The following TUBA1C variants were observed in gnomAD, a reference collection of about 807,000 sequenced individuals.
TUBA1C encodes the protein tubulin alpha 1c, also known as tubulin alpha-1C chain.
TUBA1C carries 16 observed loss-of-function variants against 34.9 expected under a neutral mutation model. The ratio of observed to expected loss-of-function variants is 0.46; its 90% CI spans 0.31 to 0.70. The LOEUF (loss-of-function observed/expected upper bound fraction) is 0.70, where lower values mean the gene tolerates loss of function less well. TUBA1C is among the 30% of genes least tolerant of loss of function. The pLI is 0.05. For synonymous variants in TUBA1C, 177 were observed against 215.9 expected, an observed-to-expected ratio of 0.82 and a Z score of 1.58; for missense variants, 329 against 587.3, an observed-to-expected ratio of 0.56 and a Z score of 4.55.
chr12:49,254,666 G>A (rs1301982575), intron 1 of TUBA1C, among the ~76,000 whole-genome samples: 6 of 152,182 alleles, frequency 3.9e-5, no homozygotes, highest in South Asian at 4.2e-4. Flanking sequence ...CTGGGAACCC[G>A]GTAGTTTAGG....
chr12:49,235,043 CCTG>C (rs1172318511), intron 1 of TUBA1C, among the ~76,000 whole-genome samples: 1 of 151,518 alleles, frequency 6.6e-6, no homozygotes, highest in Non-Finnish European at 1.5e-5. Context: ...GTCTCGAATT[CCTG>C]TCCTCGTGAT....
chr12:49,265,970 A>C (rs1378255449), intron 1 of TUBA1C, among the ~76,000 whole-genome samples: 4 of 141,292 alleles, frequency 2.8e-5, no homozygotes, highest in Admixed American at 7.0e-5. Context: ...AAAAAAAAAA[A>C]AACAAAAAAA....
intron 1 of TUBA1C, among the ~76,000 whole-genome samples, chr12:49,260,022 C>A (rs368350511): frequency 2.0e-5 from 3 of 152,082 alleles, no homozygotes; most frequent in African/African-American, 7.2e-5. Flanking sequence ...TGCCTGAGTG[C>A]TTTTTCAGTA....
intron 1 of TUBA1C, among the ~76,000 whole-genome samples, chr12:49,245,044 C>A (rs1018878152): frequency 2.6e-5 from 4 of 152,184 alleles, no homozygotes; most frequent in Non-Finnish European, 5.9e-5. Flanking sequence ...CCAGGCCTGT[C>A]TTACTCAGAG....
chr12:49,238,076 T>C (rs139440157), intron 1 of TUBA1C, among the ~76,000 whole-genome samples: 14 of 149,840 alleles, frequency 9.3e-5, no homozygotes, highest in African/African-American at 3.2e-4. Flanking sequence ...TCCACTGCAC[T>C]CCAGCCTGGG....
intron 1 of TUBA1C, chr12:49,256,621 T>C (rs1471202088): frequency 4.0e-6 from 1 of 250,508 alleles, no homozygotes; most frequent in African/African-American, 2.2e-5. Flanking sequence ...AAAGGGCTTA[T>C]ATTCCTGACT....
At chr12:49,253,529 G>A (rs985999319) in intron 1 of TUBA1C, among the ~76,000 whole-genome samples, 5 of 151,786 alleles carry the variant, frequency 3.3e-5, no homozygotes, top group African/African-American at 1.2e-4. Context: ...GAGGGGGCGT[G>A]GGGAGGGGAT....
At chr12:49,256,510 AG>A in intron 1 of TUBA1C, 1 of 439,508 alleles carries the variant, frequency 2.3e-6, no homozygotes, top group Non-Finnish European at 4.6e-6. Flanking sequence ...CCCATTTACA[AG>A]GTCAGTGGGG....
In TUBA1C at chr12:49,229,013, C is replaced by A. The variant is rs1942467423; in HGVS notation, c.213+847C>A. Among the ~76,000 whole-genome samples the A allele has an allele frequency of 2.6e-5, 4 of 152,282 alleles. No homozygotes were observed. The South Asian group carries it at 8.3e-4, about 32-fold the overall frequency. On this transcript the variant is annotated intron_variant, in intron 1 of 3. Coordinates refer to the TUBA1C transcript ENST00000541364. ...TTCTCAGGAATATATTTCTGGTAGA[C>A]ACAGGAGACATTAAATTTAGAAAAT...
chr12:49,251,604 T>C (rs1403230804), intron 1 of TUBA1C, among the ~76,000 whole-genome samples: 1 of 151,852 alleles, frequency 6.6e-6, no homozygotes, highest in African/African-American at 2.4e-5. Flanking sequence ...GTGAAACCCC[T>C]GTCTCTACTA....
At chr12:49,232,394 A>G (rs1029385898) in intron 1 of TUBA1C, among the ~76,000 whole-genome samples, 1 of 152,168 alleles carries the variant, frequency 6.6e-6, no homozygotes, top group Non-Finnish European at 1.5e-5. Flanking sequence ...CCAACTGGAC[A>G]TAAAAGGGCA....
intron 1 of TUBA1C, among the ~76,000 whole-genome samples, chr12:49,254,496 A>C (rs918034899): frequency 3.8e-4 from 57 of 151,494 alleles, no homozygotes; most frequent in East Asian, 1.2e-3. Flanking sequence ...AAAAAAAAAA[A>C]AAAAAAAAAA....
chr12:49,238,296 T>A (rs1316384232), intron 1 of TUBA1C, among the ~76,000 whole-genome samples: 1 of 152,212 alleles, frequency 6.6e-6, no homozygotes, highest in Non-Finnish European at 1.5e-5. Context: ...TAGTTTCTCC[T>A]GTGCTGTCAC....
intron 1 of TUBA1C, chr12:49,232,706 C>T (rs997810291): frequency 7.2e-5 from 11 of 152,154 alleles, no homozygotes; most frequent in Admixed American, 5.9e-4. Context: ...GTAACTTATA[C>T]TTCTGTGAAG....
At chr12:49,239,457 A>G (rs67959409) in intron 1 of TUBA1C, among the ~76,000 whole-genome samples, 14,272 of 152,130 alleles carry the variant, frequency 0.094, 892 homozygotes, top group Middle Eastern at 0.19. Context: ...CCTGGCCAAC[A>G]TGGTGAAACC....
At chr12:49,243,996 A>G (rs999726504) in intron 1 of TUBA1C, among the ~76,000 whole-genome samples, 1 of 151,914 alleles carries the variant, frequency 6.6e-6, no homozygotes, top group Non-Finnish European at 1.5e-5. Flanking sequence ...CAAATAATTT[A>G]AAAATTACCT....
chr12:49,241,991 CTT>C (rs201854507), intron 1 of TUBA1C, among the ~76,000 whole-genome samples: 33 of 131,720 alleles, frequency 2.5e-4, no homozygotes, highest in Admixed American at 3.9e-4. Flanking sequence ...TTCTTTCTTT[CTT>C]TTTTTTTTTT....
intron 1 of TUBA1C, chr12:49,257,778 C>A: frequency 6.7e-6 from 1 of 150,246 alleles, no homozygotes; most frequent in Non-Finnish European, 1.5e-5. Flanking sequence ...GACCCTGTTT[C>A]AAAAAAAATG....
intron 1 of TUBA1C, among the ~76,000 whole-genome samples, chr12:49,235,070 C>T (rs1565637962): frequency 6.6e-6 from 1 of 151,452 alleles, no homozygotes; most frequent in Non-Finnish European, 1.5e-5. Context: ...CCCGCCTCGG[C>T]CTCCCAAAGT....
Sources: allele counts gnomAD v4.1 joint callset (sites outside exome capture counted in the v4.1 genomes callset), GRCh38; gene constraint gnomAD v4.1.1; transcripts MANE v1.5; gene names NCBI Gene and HGNC (gene_info 2026-07-23, HGNC 2026-07-21).